CNTNAP2: variants seen among roughly 807,000 people sequenced by gnomAD.
CNTNAP2 encodes contactin-associated protein-like 2.
CNTNAP2 carries 98 observed loss-of-function variants against 155.2 expected under a neutral mutation model. That is an observed-to-expected ratio of 0.63 (90% CI 0.54 to 0.75). The LOEUF (loss-of-function observed/expected upper bound fraction) is 0.75. Ranked by LOEUF, CNTNAP2 falls within the 30% of genes least tolerant of loss-of-function variation. CNTNAP2 has a pLI of 0.00. For synonymous variants in CNTNAP2, 651 were observed against 631.2 expected (o/e 1.03, Z -0.47); for missense variants, 1,727 against 1,688.1 (o/e 1.02, Z -0.40).
At chr7:147,743,616 G>A (rs1796990837) in intron 13 of CNTNAP2, among the ~76,000 whole-genome samples, 1 of 151,980 alleles carries the variant, frequency 6.6e-6, no homozygotes, top group African/African-American at 2.4e-5. Context: ...CTTTATTCCG[G>A]TTGCCTTGAT....
At chr7:147,191,145 G>C (rs941969509) in intron 8 of CNTNAP2, among the ~76,000 whole-genome samples, 5 of 151,990 alleles carry the variant, frequency 3.3e-5, no homozygotes, top group South Asian at 2.1e-4. Context: ...AGAGTTGAAG[G>C]GTCCAGTATA....
intron 9 of CNTNAP2, among the ~76,000 whole-genome samples, chr7:147,357,657 A>G (rs567547622): frequency 1.6e-4 from 25 of 152,244 alleles, no homozygotes; most frequent in Non-Finnish European, 3.2e-4. Context: ...ACTCTCCTGG[A>G]CACGAGTCTT....
At chr7:146,621,131 G>C (rs1014163480) in intron 1 of CNTNAP2, among the ~76,000 whole-genome samples, 2 of 152,080 alleles carry the variant, frequency 1.3e-5, no homozygotes, top group South Asian at 4.1e-4. Flanking sequence ...ATAAGGAACC[G>C]TATCCCTACC....
At chr7:146,912,819 G>C (rs954765319) in intron 3 of CNTNAP2, among the ~76,000 whole-genome samples, 4 of 152,090 alleles carry the variant, frequency 2.6e-5, no homozygotes, top group African/African-American at 9.7e-5. Flanking sequence ...CAATTACTGT[G>C]CTAATGACTT....
intron 1 of CNTNAP2, among the ~76,000 whole-genome samples, chr7:146,595,983 C>A (rs905443676): frequency 3.3e-5 from 5 of 151,942 alleles, no homozygotes; most frequent in African/African-American, 9.7e-5. Flanking sequence ...GAAAGAAAAT[C>A]ATTTTACTGA....
intron 9 of CNTNAP2, among the ~76,000 whole-genome samples, chr7:147,324,820 C>T (rs1283203998): frequency 6.6e-6 from 1 of 151,792 alleles, no homozygotes; most frequent in Non-Finnish European, 1.5e-5. Flanking sequence ...TATTAATTTT[C>T]ATTGCCAGTG....
chr7:146,324,622 TCATTTTATTC>T (rs1158601829), intron 1 of CNTNAP2, among the ~76,000 whole-genome samples: 3 of 152,202 alleles, frequency 2.0e-5, no homozygotes, highest in Admixed American at 1.3e-4. Context: ...GAATCATCTA[TCATTTTATTC>T]TATTTTTAAT....
At chr7:146,549,536 G>T (rs1391356210) in intron 1 of CNTNAP2, among the ~76,000 whole-genome samples, 2 of 151,992 alleles carry the variant, frequency 1.3e-5, no homozygotes, top group Non-Finnish European at 2.9e-5. Flanking sequence ...AACCCCTGAT[G>T]GTGCCTGTCA....
intron 11 of CNTNAP2, among the ~76,000 whole-genome samples, chr7:147,505,753 G>A (rs1478270273): frequency 1.3e-5 from 2 of 152,228 alleles, no homozygotes; most frequent in Non-Finnish European, 2.9e-5. Context: ...CTGTAGAGCT[G>A]TAGGTTATAA....
intron 3 of CNTNAP2, among the ~76,000 whole-genome samples, chr7:146,860,039 A>G (rs867768995): frequency 3.3e-5 from 5 of 152,326 alleles, no homozygotes; most frequent in African/African-American, 1.2e-4. Flanking sequence ...GTGAAACAAG[A>G]TTTTAAATAG....
At chr7:146,922,169 C>CTTAAAGACAATATTGATATTGTCT (rs1157392076) in intron 3 of CNTNAP2, among the ~76,000 whole-genome samples, 1 of 150,324 alleles carries the variant, frequency 6.7e-6, no homozygotes, top group Non-Finnish European at 1.5e-5. Flanking sequence ...TCTGTTTAAA[C>CTTAAAGACAATATTGATATTGTCT]TTAAAGATAA....
intron 14 of CNTNAP2, among the ~76,000 whole-genome samples, chr7:147,922,913 C>T (rs1453186493): frequency 6.6e-6 from 1 of 152,128 alleles, no homozygotes; most frequent in African/African-American, 2.4e-5. Flanking sequence ...ATACAAAGAA[C>T]ATTTTTTAAA....
chr7:146,615,421 C>T (rs1799208494), intron 1 of CNTNAP2, among the ~76,000 whole-genome samples: 1 of 152,172 alleles, frequency 6.6e-6, no homozygotes, highest in Admixed American at 6.5e-5. Context: ...AGGGCCAAGA[C>T]ATTTCTTCCT....
intron 1 of CNTNAP2, among the ~76,000 whole-genome samples, chr7:146,482,554 C>T (rs1796978271): frequency 6.6e-6 from 1 of 151,862 alleles, no homozygotes; most frequent in Non-Finnish European, 1.5e-5. Context: ...ACCATCCTGG[C>T]CAACATGGTG....
intron 9 of CNTNAP2, among the ~76,000 whole-genome samples, chr7:147,365,350 G>GGGCAGCAGAGGAGAGACACTCTCCA (rs2116903463): frequency 7.0e-6 from 1 of 142,676 alleles, no homozygotes; most frequent in African/African-American, 2.6e-5. Flanking sequence ...ACTCCAGCCT[G>GGGCAGCAGAGGAGAGACACTCTCCA]GGCAGCAGAG....
At chr7:146,962,168 G>A (rs954714216) in intron 3 of CNTNAP2, among the ~76,000 whole-genome samples, 1 of 152,108 alleles carries the variant, frequency 6.6e-6, no homozygotes, top group East Asian at 1.9e-4. Flanking sequence ...CAGAGACACT[G>A]TATGTTATTT....
intron 3 of CNTNAP2, among the ~76,000 whole-genome samples, chr7:146,921,724 A>G (rs1164833815): frequency 1.3e-5 from 2 of 152,172 alleles, no homozygotes; most frequent in Non-Finnish European, 2.9e-5. Flanking sequence ...TTGCAATTCA[A>G]GATGAGATTT....
At position 147,801,830 on chromosome 7, in the gene CNTNAP2, C is replaced by G. The variant is rs1166690332; in HGVS notation, c.2099-101735C>G. Among the ~76,000 whole-genome samples the G allele has an allele frequency of 3.4e-3, 514 of 150,770 alleles. 4 individuals are homozygous for G. Among genetic ancestry groups the G allele is most frequent in the Admixed American group, 4.6e-3 (69 of 15,120 alleles). On this transcript the variant is annotated intron_variant, in intron 13 of 23. Coordinates refer to ENST00000361727, the MANE Select transcript of CNTNAP2 (RefSeq NM_014141.6). ...TGTCATCATGGCCTGTTCTCAATGA[C>G]CTGCTGGGCACACCTCCCAGACGGG...
chr7:146,637,224 AC>A (rs1799614015), intron 1 of CNTNAP2, among the ~76,000 whole-genome samples: 3 of 152,190 alleles, frequency 2.0e-5, no homozygotes, highest in Admixed American at 2.0e-4. Context: ...TTATTGGGAC[AC>A]CTTGTAAAAT....
Sources: allele counts gnomAD v4.1 joint callset (sites outside exome capture counted in the v4.1 genomes callset), GRCh38; gene constraint gnomAD v4.1.1; transcripts MANE v1.5; gene names NCBI Gene and HGNC (gene_info 2026-07-23, HGNC 2026-07-21).